ADAMTS18: variants seen among roughly 807,000 people sequenced by gnomAD.
ADAMTS18 encodes ADAM metallopeptidase with thrombospondin type 1 motif 18, also known as A disintegrin and metalloproteinase with thrombospondin motifs 18.
In ADAMTS18, 157 loss-of-function variants were observed where a neutral mutation model predicts 165.9. The ratio of observed to expected loss-of-function variants is 0.95; its 90% CI spans 0.83 to 1.08. The LOEUF is 1.08. Ranked by LOEUF, ADAMTS18 falls within the 50% of genes least tolerant of loss-of-function variation. ADAMTS18 has a pLI of 0.00. For missense variants in ADAMTS18, 2,040 were observed against 1,534.0 expected (o/e 1.33, Z -5.51); for synonymous variants, 782 against 578.2 (o/e 1.35, Z -5.06).
chr16:77,392,486 A>T (rs1049737752), intron 3 of ADAMTS18, among the ~76,000 whole-genome samples: 1 of 152,110 alleles, frequency 6.6e-6, no homozygotes, highest in Admixed American at 6.5e-5. Context: ...CACCTCAGAG[A>T]AAACTTCCCT....
At chr16:77,310,366 G>A (rs1321658788) in intron 16 of ADAMTS18, among the ~76,000 whole-genome samples, 4 of 152,168 alleles carry the variant, frequency 2.6e-5, no homozygotes, top group Non-Finnish European at 5.9e-5. Context: ...CAGGACAGTA[G>A]TATAGACACA....
rs1567459270 is a variant in ADAMTS18 at position 77,295,046 on chromosome 16, C to G, written c.2883G>C (p.Lys961Asn). ...QQSRKIQCVQ[K>N]KPFQKEEAVL... The stretch of plus-strand genomic sequence containing the variant: ...CTGCTTCCTCCTTTTGGAAGGGCTT[C>G]TTTTGCACACACTGGATCTTTCGGC... The change falls in exon 19 of 23, where the codon AAG (lysine) becomes AAC (asparagine). Residue 961 changes from lysine (K) to asparagine (N), a missense_variant. Coordinates refer to ENST00000282849, the MANE Select transcript of ADAMTS18 (RefSeq NM_199355.4). 1.2e-6 allele frequency: 2 copies of G among 1,614,182 alleles called. No homozygotes were observed. The highest frequency in any genetic ancestry group is 2.2e-5 in the East Asian group (1 of 44,870).
At chr16:77,351,053 G>C (rs573453706) in intron 10 of ADAMTS18, among the ~76,000 whole-genome samples, 34 of 152,122 alleles carry the variant, frequency 2.2e-4, no homozygotes, top group Non-Finnish European at 2.8e-4. Context: ...GTTTCTACTA[G>C]ACAGGATGAA....
At chr16:77,310,041 A>G (rs2055751777) in intron 16 of ADAMTS18, among the ~76,000 whole-genome samples, 1 of 152,206 alleles carries the variant, frequency 6.6e-6, no homozygotes, top group East Asian at 1.9e-4. Flanking sequence ...AGTGGTTTTT[A>G]AAATGTGTGT....
chr16:77,425,829 G>C (rs1212509927), intron 3 of ADAMTS18, among the ~76,000 whole-genome samples: 1 of 152,088 alleles, frequency 6.6e-6, no homozygotes, highest in Admixed American at 6.5e-5. Flanking sequence ...GATCACCTGA[G>C]GTGAGGAGTT....
chr16:77,417,749 A>C (rs897206145), intron 3 of ADAMTS18, among the ~76,000 whole-genome samples: 9 of 152,364 alleles, frequency 5.9e-5, no homozygotes, highest in Admixed American at 1.3e-4. Context: ...GTATAATAAT[A>C]ATCATCATCA....
intron 3 of ADAMTS18, among the ~76,000 whole-genome samples, chr16:77,399,490 C>T (rs2057299457): frequency 6.6e-6 from 1 of 152,108 alleles, no homozygotes; most frequent in Non-Finnish European, 1.5e-5. Flanking sequence ...GTTGTTGTTT[C>T]CCTACCCTAG....
At chr16:77,370,523 G>A (rs1413628535) in intron 3 of ADAMTS18, among the ~76,000 whole-genome samples, 1 of 152,160 alleles carries the variant, frequency 6.6e-6, no homozygotes, top group Non-Finnish European at 1.5e-5. Context: ...GCCGAGGTGG[G>A]TGGATCACTT....
chr16:77,364,405 G>C, intron 4 of ADAMTS18, 24 bp from the exon 5 acceptor site: 4 of 1,610,882 alleles, frequency 2.5e-6, no homozygotes, highest in Non-Finnish European at 3.4e-6. Context: ...AAGAGCATTT[G>C]GAAGGGATAT....
At chr16:77,358,553 C>T (rs2056665776) in intron 8 of ADAMTS18, among the ~76,000 whole-genome samples, 1 of 152,120 alleles carries the variant, frequency 6.6e-6, no homozygotes, top group Admixed American at 6.5e-5. Flanking sequence ...CAGACGGAGA[C>T]TCTGTCTCAA....
intron 3 of ADAMTS18, among the ~76,000 whole-genome samples, chr16:77,383,921 A>G (rs2057069648): frequency 6.6e-6 from 1 of 152,138 alleles, no homozygotes; most frequent in Admixed American, 6.5e-5. Flanking sequence ...CATCCTTTCA[A>G]ATGAAACAAA....
chr16:77,393,960 C>T (rs2057224112), intron 3 of ADAMTS18, among the ~76,000 whole-genome samples: 1 of 152,192 alleles, frequency 6.6e-6, no homozygotes, highest in Admixed American at 6.5e-5. Flanking sequence ...TTCAGCTGGT[C>T]CTGGCTATGA....
At chr16:77,434,340 A>G (rs889295357) in intron 2 of ADAMTS18, 78 bp downstream of exon 2, 2 of 1,505,980 alleles carry the variant, frequency 1.3e-6, no homozygotes, top group Admixed American at 2.0e-5. Flanking sequence ...GCGCTTTTCC[A>G]TCTTTTCTCT....
At position 77,283,454 on chromosome 16, in the gene ADAMTS18, T is replaced by C. The variant is rs2055187215; in HGVS notation, c.*502A>G. The C allele has an allele frequency of 6.0e-6, 1 of 167,222 alleles. No homozygotes were observed. Among genetic ancestry groups the C allele is most frequent in the African/African-American group, 2.4e-5 (1 of 41,544 alleles). 10.4% of individuals were successfully genotyped at this position (167,222 alleles called of 1,614,324 possible). ...GCAGCAAGCACAATTGCGAGCACCA[T>C]TTGGCTTCTCATAGAACTCCTGGCT... On this transcript the variant is annotated 3_prime_UTR_variant, in exon 23 of 23. Coordinates refer to ENST00000282849, the MANE Select transcript of ADAMTS18 (RefSeq NM_199355.4).
chr16:77,386,612 C>G (rs1388886465), intron 3 of ADAMTS18, among the ~76,000 whole-genome samples: 1 of 152,168 alleles, frequency 6.6e-6, no homozygotes, highest in Non-Finnish European at 1.5e-5. Context: ...TATTACTAGT[C>G]TGGTGCCTAT....
At chr16:77,315,169 C>G (rs1486876460) in intron 16 of ADAMTS18, among the ~76,000 whole-genome samples, 1 of 152,034 alleles carries the variant, frequency 6.6e-6, no homozygotes, top group African/African-American at 2.4e-5. Context: ...AAAAAAATTT[C>G]TGTATCATCT....
chr16:77,285,702 T>G (rs969527585), intron 22 of ADAMTS18, among the ~76,000 whole-genome samples: 2 of 152,198 alleles, frequency 1.3e-5, no homozygotes, highest in South Asian at 2.1e-4. Context: ...GCTGGTTGTT[T>G]GAGCTTCTAC....
chr16:77,364,514 C>T, intron 4 of ADAMTS18, 133 bp from the exon 5 acceptor site: 3 of 953,288 alleles, frequency 3.1e-6, no homozygotes, highest in East Asian at 2.6e-5. Context: ...ACAAGTGATG[C>T]TATCAGTGCC....
chr16:77,347,289 T>C (rs8050620), intron 10 of ADAMTS18, among the ~76,000 whole-genome samples: 1 of 151,880 alleles, frequency 6.6e-6, no homozygotes, highest in African/African-American at 2.4e-5. Flanking sequence ...ATGAACACAG[T>C]CCTTTATTTA....
Sources: gnomAD v4.1 joint callset for allele counts (sites outside exome capture counted in the v4.1 genomes callset) on GRCh38, gnomAD v4.1.1 for gene constraint, MANE v1.5 for transcripts, NCBI Gene and HGNC (gene_info 2026-07-23, HGNC 2026-07-21) for gene names.